Variants in SEPTIN6 observed in about 807,000 individuals in gnomAD.
SEPTIN6 encodes the protein septin-6.
A neutral mutation model predicts 33.6 loss-of-function variants in SEPTIN6; 8 were observed. The ratio of observed to expected loss-of-function variants is 0.24; its 90% CI spans 0.14 to 0.43. The LOEUF (loss-of-function observed/expected upper bound fraction) is 0.43, where lower values mean the gene tolerates loss of function less well. Among genes scored for constraint, SEPTIN6 ranks in the 20% least tolerant of loss-of-function variants. The pLI is 1.00. For missense variants in SEPTIN6, 250 were observed against 340.8 expected, an observed-to-expected ratio of 0.73 and a Z score of 2.10; for synonymous variants, 131 against 140.0, an observed-to-expected ratio of 0.94 and a Z score of 0.45.
At chrX:119,621,201 T>G (rs1223044288) in intron 10 of SEPTIN6, among the ~76,000 whole-genome samples, 1 of 109,463 alleles carries the variant, frequency 9.1e-6, no homozygotes, top group Admixed American at 9.8e-5. Flanking sequence ...GCAGAGCATA[T>G]GGGGATGATT....
chrX:119,623,127 T>TAAC (rs1490789287), intron 10 of SEPTIN6, among the ~76,000 whole-genome samples: 1 of 112,109 alleles, frequency 8.9e-6, no homozygotes, highest in Non-Finnish European at 1.9e-5. Flanking sequence ...GTTTGGTGAC[T>TAAC]AACAGCAGGC....
At chrX:119,632,997 C>T (rs956919459) in intron 8 of SEPTIN6, among the ~76,000 whole-genome samples, 2 of 112,676 alleles carry the variant, frequency 1.8e-5, no homozygotes, top group African/African-American at 6.4e-5. Context: ...TCATGTCCTT[C>T]TAAAGAACAT....
intron 2 of SEPTIN6, among the ~76,000 whole-genome samples, chrX:119,664,874 T>C (rs1603344929): frequency 9.7e-6 from 1 of 103,289 alleles, no homozygotes; most frequent in South Asian, 4.2e-4. Context: ...CAGCGGTCCC[T>C]TGTCAAACAA....
intron 1 of SEPTIN6, among the ~76,000 whole-genome samples, 171 bp downstream of exon 1, chrX:119,692,905 C>T (rs1162392659): frequency 8.9e-6 from 1 of 112,876 alleles, no homozygotes; most frequent in African/African-American, 3.2e-5. Flanking sequence ...CACCGTTTTC[C>T]GGGACAGGCT....
At chrX:119,650,158 G>T in intron 4 of SEPTIN6, 60 bp from the exon 5 acceptor site, 1 of 1,114,403 alleles carries the variant, frequency 9.0e-7, no homozygotes, top group South Asian at 1.9e-5. Flanking sequence ...ATAGCAGCAT[G>T]ACCTAGGACT....
At chrX:119,634,937 AAGCCAAGATTGCAGTG>A (rs1337388198) in intron 7 of SEPTIN6, among the ~76,000 whole-genome samples, 6 of 107,704 alleles carry the variant, frequency 5.6e-5, no homozygotes, top group African/African-American at 2.0e-4. Flanking sequence ...TGAACCCGGG[AAGCCAAGATTGCAGTG>A]AGCCGAGATT....
At chrX:119,675,069 T>A (rs1603349645) in intron 2 of SEPTIN6, among the ~76,000 whole-genome samples, 1 of 107,390 alleles carries the variant, frequency 9.3e-6, no homozygotes, top group Non-Finnish European at 1.9e-5. Flanking sequence ...GGCAGAGAGA[T>A]AGGTAAAGGG....
In SEPTIN6 at chrX:119,619,261, C is replaced by G; in HGVS notation, c.*832G>C. ...TGGAGCCCTTCCGGAAATTACCCCC[C>G]GAGATGCTGAAATACCTCACAAGAA... On this transcript the variant is annotated 3_prime_UTR_variant, in exon 11 of 11. Coordinates refer to ENST00000394610, the MANE Select transcript of SEPTIN6 (RefSeq NM_145799.4). The G allele has an allele frequency of 1.2e-6, 1 of 816,317 alleles. No individual in the cohort carries two copies. The highest frequency in any genetic ancestry group is 1.5e-6 in the Non-Finnish European group (1 of 678,102). The allele number at this position is 816,317 out of a possible 1,213,427, so 67.3% of individuals were successfully genotyped here.
Position 119,619,246 on chromosome X carries a change from C to T in SEPTIN6, c.*847G>A. 1.2e-6 allele frequency: 1 copy of T among 817,455 alleles called. No homozygotes were observed. Among genetic ancestry groups the T allele is most frequent in the African/African-American group, 2.1e-5 (1 of 46,613 alleles). The allele number at this position is 817,455 out of a possible 1,213,427, so 67.4% of individuals were successfully genotyped here. A position where few individuals can be genotyped will look rare whatever the true frequency, so the allele number is the denominator to read the frequency against. On this transcript the variant is annotated 3_prime_UTR_variant, in exon 11 of 11. Coordinates refer to ENST00000394610, the MANE Select transcript of SEPTIN6 (RefSeq NM_145799.4). ...CTTATTGGGACAGTATGGAGCCCTTCCGGAAATTACCCCCCGAGATGCTGA... is the reference window on the plus strand; with the variant it reads ...CTTATTGGGACAGTATGGAGCCCTTTCGGAAATTACCCCCCGAGATGCTGA...
downstream of SEPTIN6, chrX:119,616,171 G>A: frequency 4.1e-6 from 1 of 244,817 alleles, no homozygotes; most frequent in Non-Finnish European, 7.5e-6. Context: ...CTCTACCTAA[G>A]TGTTAGATAG....
At chrX:119,648,708 G>A (rs2054305529) in intron 5 of SEPTIN6, among the ~76,000 whole-genome samples, 1 of 111,370 alleles carries the variant, frequency 9.0e-6, no homozygotes, top group Non-Finnish European at 1.9e-5. Context: ...TAATTTGTTG[G>A]CCAATTCATA....
In SEPTIN6 at chrX:119,617,022, A is replaced by G. The variant is rs996351801; in HGVS notation, c.*3071T>C. ...GAATGCCAAATGATTAAAACAAAAA[A>G]ACAAAAACAAGAGCCATCTACACTG... On this transcript the variant is annotated 3_prime_UTR_variant, in exon 11 of 11. Transcript: ENST00000394610. 3.1e-6 allele frequency: 3 copies of G among 963,859 alleles called. No individual in the cohort carries two copies. In the African/African-American group the frequency reaches 6.0e-5, roughly 19 times the overall value. The allele number at this position is 963,859 out of a possible 1,213,427, so 79.4% of individuals were successfully genotyped here.
intron 7 of SEPTIN6, chrX:119,635,229 G>T (rs2054043438): frequency 7.0e-6 from 2 of 284,771 alleles, no homozygotes; most frequent in Non-Finnish European, 6.9e-6. Context: ...GGCAGAAGAT[G>T]AATTTGTACA....
chrX:119,675,782 G>A (rs1293503485), intron 1 of SEPTIN6, 114 bp from the exon 2 acceptor site: 2 of 359,726 alleles, frequency 5.6e-6, no homozygotes, highest in Admixed American at 6.0e-5. Flanking sequence ...CAGGCCCAGT[G>A]TGTCATCTCT....
chrX:119,617,394 G>A lies in SEPTIN6; in HGVS notation c.*2699C>T, dbSNP rs2053682500. 1.5e-5 allele frequency: 12 copies of A among 801,726 alleles called. No individual in the cohort carries two copies. Among genetic ancestry groups the A allele is most frequent in the South Asian group, 6.6e-5 (1 of 15,058 alleles). 66.1% of individuals were successfully genotyped at this position (801,726 alleles called of 1,213,427 possible). A position where few individuals can be genotyped will look rare whatever the true frequency, so the allele number is the denominator to read the frequency against. ...TTAATTTATGTTCACTCATGGGTTC[G>A]ATTTTTGTTCACCAAACTTCCCTGA... On this transcript the variant is annotated 3_prime_UTR_variant, in exon 11 of 11. Coordinates refer to ENST00000394610, the MANE Select transcript of SEPTIN6 (RefSeq NM_145799.4).
At chrX:119,621,091 C>T (rs2053753040) in intron 10 of SEPTIN6, among the ~76,000 whole-genome samples, 1 of 108,976 alleles carries the variant, frequency 9.2e-6, no homozygotes, top group Non-Finnish European at 1.9e-5. Flanking sequence ...CACTGCATTT[C>T]CTGTCCCATT....
At chrX:119,657,934 G>T (rs2054476119) in intron 3 of SEPTIN6, among the ~76,000 whole-genome samples, 1 of 111,486 alleles carries the variant, frequency 9.0e-6, no homozygotes, top group African/African-American at 3.3e-5. Context: ...GACCATCCTG[G>T]CTAACACGGT....
chrX:119,624,641 C>T (rs2053832017), intron 10 of SEPTIN6, among the ~76,000 whole-genome samples: 1 of 111,523 alleles, frequency 9.0e-6, no homozygotes, highest in African/African-American at 3.3e-5. Flanking sequence ...TGTGACATTG[C>T]AGGACGGAGC....
At position 119,662,376 on chromosome X, in the gene SEPTIN6, G is replaced by A. The variant is rs188526157; in HGVS notation, c.341+1106C>T. On this transcript the variant is annotated intron_variant, in intron 3 of 10. Transcript: ENST00000394610. ...AACAGAGCTGATTATTTTGAACCCT[G>A]GTTCTCTTACGGAATGCCATCACCA... Among the ~76,000 whole-genome samples, 9 of 111,635 alleles carry A rather than the reference G, an allele frequency of 8.1e-5. No homozygotes were observed. The East Asian group carries it at 2.5e-3, about 31-fold the overall frequency.
Sources: allele counts gnomAD v4.1 joint callset (sites outside exome capture counted in the v4.1 genomes callset), GRCh38; gene constraint gnomAD v4.1.1; transcripts MANE v1.5; gene names NCBI Gene and HGNC (gene_info 2026-07-23, HGNC 2026-07-21).